TENM1: variants seen among roughly 807,000 people sequenced by gnomAD.
TENM1 encodes teneurin transmembrane protein 1.
A neutral mutation model predicts 174.8 loss-of-function variants in TENM1; 35 were observed. The observed-to-expected ratio is 0.20, with a 90% confidence interval of 0.15 to 0.27. The LOEUF is 0.27. Ranked by LOEUF, TENM1 falls within the 10% of genes least tolerant of loss-of-function variation. The pLI is 1.00. For synonymous variants in TENM1, 781 were observed against 798.7 expected, an observed-to-expected ratio of 0.98 and a Z score of 0.37; for missense variants, 1,633 against 2,130.1, an observed-to-expected ratio of 0.77 and a Z score of 4.59.
intron 5 of TENM1, among the ~76,000 whole-genome samples, chrX:124,674,414 T>C (rs1312048159): frequency 9.2e-6 from 1 of 108,734 alleles, no homozygotes; most frequent in Non-Finnish European, 1.9e-5. Context: ...GTAACACTCA[T>C]GTATAGTATT....
intron 11 of TENM1, among the ~76,000 whole-genome samples, chrX:124,612,249 G>A (rs1283455674): frequency 9.0e-6 from 1 of 110,920 alleles, no homozygotes; most frequent in East Asian, 2.8e-4. Context: ...ATGTGTGTGT[G>A]CTAGGGGACA....
the TENM1 span, among the ~76,000 whole-genome samples, chrX:125,044,202 TAAAAAAAAATA>T: frequency 0.01 from 572 of 55,815 alleles, 1 homozygote; most frequent in South Asian, 0.02. Context: ...AGATTAAAAA[TAAAAAAAAATA>T]AAAAAAAAAT....
chrX:124,917,929 A>G (rs1309565750), intron 1 of TENM1, among the ~76,000 whole-genome samples: 4 of 112,311 alleles, frequency 3.6e-5, no homozygotes, highest in Non-Finnish European at 5.6e-5. Context: ...ACGCTCTGAC[A>G]TCAGCTTTGT....
chrX:124,431,182 T>A (rs952104243), intron 23 of TENM1, among the ~76,000 whole-genome samples: 3 of 112,487 alleles, frequency 2.7e-5, no homozygotes. Context: ...ATATCATGAC[T>A]GTTACTATAT....
intron 25 of TENM1, among the ~76,000 whole-genome samples, chrX:124,410,434 G>C (rs1434983927): frequency 2.7e-5 from 3 of 111,779 alleles, no homozygotes; most frequent in African/African-American, 9.8e-5. Flanking sequence ...GAAAACCTAG[G>C]CATTACCATT....
rs2056136413 is a variant in TENM1, at chrX:124,825,396, C to T, written c.535+68900G>A. Among the ~76,000 whole-genome samples the T allele has an allele frequency of 2.8e-5, 3 of 108,541 alleles. No individual in the cohort carries two copies. The Admixed American group carries it at 3.0e-4, about 11-fold the overall frequency. 94.3% of individuals were successfully genotyped at this position (108,541 alleles called of 115,157 possible). Reference sequence around the variant, plus strand: ...GCCAAGCTGGTCTTGAACTCCTGACCTCAAGTGATCCACCCGCTTCAGTCT... The same window carrying T: ...GCCAAGCTGGTCTTGAACTCCTGACTTCAAGTGATCCACCCGCTTCAGTCT... On this transcript the variant is annotated intron_variant, in intron 3 of 31. Coordinates refer to ENST00000422452, the Ensembl canonical transcript of TENM1.
the TENM1 span, among the ~76,000 whole-genome samples, chrX:125,158,064 T>C: frequency 9.0e-6 from 1 of 111,087 alleles, no homozygotes; most frequent in African/African-American, 3.3e-5. Flanking sequence ...TTTTTGGATA[T>C]GTTCTTACCT....
At chrX:124,634,391 G>T (rs1309071420) in intron 11 of TENM1, among the ~76,000 whole-genome samples, 1 of 111,321 alleles carries the variant, frequency 9.0e-6, no homozygotes, top group East Asian at 2.8e-4. Flanking sequence ...CTGCAGAGAA[G>T]AATGTACCTG....
chrX:125,167,301 C>T, the TENM1 span, among the ~76,000 whole-genome samples: 3 of 111,457 alleles, frequency 2.7e-5, no homozygotes, highest in Admixed American at 9.5e-5. Context: ...TAATGGGGCA[C>T]GAAGAACCTA....
chrX:125,001,953 AC>A, the TENM1 span, among the ~76,000 whole-genome samples: 78 of 106,296 alleles, frequency 7.3e-4, 1 homozygote, highest in African/African-American at 2.7e-3. Flanking sequence ...ACACACACAC[AC>A]ACACACACAC....
intron 1 of TENM1, among the ~76,000 whole-genome samples, chrX:124,896,456 T>A (rs1310211247): frequency 9.0e-6 from 1 of 111,568 alleles, no homozygotes; most frequent in Non-Finnish European, 1.9e-5. Context: ...TCTTACAAGG[T>A]TCTGGAAAAA....
intron 3 of TENM1, among the ~76,000 whole-genome samples, chrX:124,882,450 G>A (rs2057318568): frequency 9.0e-6 from 1 of 111,359 alleles, no homozygotes. Flanking sequence ...GCTGAGAGTG[G>A]GGTGTCTAAG....
chrX:125,199,814 T>C, the TENM1 span, among the ~76,000 whole-genome samples: 1 of 111,759 alleles, frequency 8.9e-6, no homozygotes, highest in Non-Finnish European at 1.9e-5. Flanking sequence ...TATACAGAAA[T>C]GTTAGCATTG....
chrX:125,127,514 T>C, the TENM1 span, among the ~76,000 whole-genome samples: 28 of 111,633 alleles, frequency 2.5e-4, no homozygotes, highest in East Asian at 6.8e-3. Flanking sequence ...GTGCTGTCTA[T>C]AAAAAGAAAA....
the TENM1 span, among the ~76,000 whole-genome samples, chrX:125,130,766 T>C: frequency 8.9e-6 from 1 of 112,011 alleles, no homozygotes; most frequent in Non-Finnish European, 1.9e-5. Flanking sequence ...CGCATTCACT[T>C]GAATGTATAC....
chrX:124,463,835 G>A (rs1430914709), intron 22 of TENM1, among the ~76,000 whole-genome samples: 1 of 82,964 alleles, frequency 1.2e-5, no homozygotes, highest in Non-Finnish European at 2.2e-5. Context: ...ATAGAGGTTG[G>A]GGTGTGTGTG....
chrX:124,815,979 G>T (rs1032641896), intron 3 of TENM1, among the ~76,000 whole-genome samples: 9 of 111,682 alleles, frequency 8.1e-5, no homozygotes, highest in South Asian at 3.7e-4. Context: ...GTAAGTAAAA[G>T]AATTTTAAAA....
the TENM1 span, among the ~76,000 whole-genome samples, chrX:125,196,159 T>A: frequency 9.0e-6 from 1 of 111,219 alleles, no homozygotes; most frequent in African/African-American, 3.3e-5. Context: ...CCCTTAGCGG[T>A]CACTAGATCT....
the TENM1 span, among the ~76,000 whole-genome samples, chrX:125,134,654 C>G: frequency 5.0e-4 from 56 of 112,133 alleles, 1 homozygote; most frequent in East Asian, 9.9e-3. Flanking sequence ...ATCATTCTGT[C>G]CCTCCACACA....
Sources: allele counts gnomAD v4.1 joint callset (sites outside exome capture counted in the v4.1 genomes callset), GRCh38; gene constraint gnomAD v4.1.1; transcripts MANE v1.5; gene names NCBI Gene and HGNC (gene_info 2026-07-23, HGNC 2026-07-21).